Variants in KCNH5 observed in about 807,000 individuals in gnomAD.
The protein encoded by KCNH5 is voltage-gated delayed rectifier potassium channel KCNH5.
A neutral mutation model predicts 96.1 loss-of-function variants in KCNH5; 46 were observed. That is an observed-to-expected ratio of 0.48 (90% CI 0.38 to 0.61). KCNH5 has a LOEUF of 0.61. Ranked by LOEUF, KCNH5 falls within the 20% of genes least tolerant of loss-of-function variation. The pLI is 0.00. For synonymous variants in KCNH5, 439 were observed against 449.8 expected (o/e 0.98, Z 0.30); for missense variants, 907 against 1,225.8 (o/e 0.74, Z 3.88).
chr14:63,045,072 C>T lies in KCNH5; in HGVS notation c.73+42G>A, dbSNP rs192198708. 233 of 1,467,316 alleles carry T rather than the reference C, an allele frequency of 1.6e-4. 2 individuals carry two copies. In the East Asian group the frequency reaches 3.5e-3, roughly 22 times the overall value. 90.9% of individuals were successfully genotyped at this position (1,467,316 alleles called of 1,614,324 possible). ...GGGGAGGATGGGGGGCGCGTGTGGG[C>T]GGGATGGAGGTGGGGGTGTTCTGAA... On this transcript the variant is annotated intron_variant, in intron 1 of 10. Transcript: ENST00000322893.
chr14:62,910,941 A>ACACACCCCC (rs61033705), intron 7 of KCNH5, among the ~76,000 whole-genome samples: 2 of 140,784 alleles, frequency 1.4e-5, no homozygotes, highest in South Asian at 2.4e-4. Flanking sequence ...ACACACACAC[A>ACACACCCCC]CCCCTCTGTT....
At chr14:62,996,448 A>C (rs1361322221) in intron 4 of KCNH5, among the ~76,000 whole-genome samples, 1 of 152,180 alleles carries the variant, frequency 6.6e-6, no homozygotes, top group Non-Finnish European at 1.5e-5. Context: ...ATGGGGTCTG[A>C]TTTTCCCTAT....
intron 8 of KCNH5, among the ~76,000 whole-genome samples, chr14:62,819,246 C>T (rs1449396944): frequency 1.1e-4 from 17 of 152,088 alleles, no homozygotes; most frequent in Non-Finnish European, 8.8e-5. Flanking sequence ...GGATTACAGG[C>T]ATGAGCCACC....
At position 62,705,223 on chromosome 14, in the gene KCNH5, G is replaced by A. The variant is rs1884407985; in HGVS notation, c.*2285C>T. The A allele has an allele frequency of 6.6e-6, 1 of 151,954 alleles. No homozygotes were observed. The highest frequency in any genetic ancestry group is 2.4e-5 in the African/African-American group (1 of 41,420). The allele number at this position is 151,954 out of a possible 1,614,324, so 9.4% of individuals were successfully genotyped here. ...CACTAATATGCAAAGCCATGAATTAGAACTTCAAATCATCATGTTGTTCAC... is the reference window on the plus strand; with the variant it reads ...CACTAATATGCAAAGCCATGAATTAAAACTTCAAATCATCATGTTGTTCAC... On this transcript the variant is annotated 3_prime_UTR_variant, in exon 11 of 11. Transcript: ENST00000322893.
intron 9 of KCNH5, among the ~76,000 whole-genome samples, chr14:62,788,175 C>T (rs2061309255): frequency 6.6e-6 from 1 of 152,078 alleles, no homozygotes; most frequent in Admixed American, 6.6e-5. Context: ...GTGAGAAAGC[C>T]AAAATATTAC....
chr14:62,919,217 A>G (rs1328578131), intron 7 of KCNH5, among the ~76,000 whole-genome samples: 1 of 152,132 alleles, frequency 6.6e-6, no homozygotes, highest in African/African-American at 2.4e-5. Context: ...GCTTCCAATT[A>G]TTCTGATTTC....
At chr14:62,865,328 C>T (rs1888112745) in intron 7 of KCNH5, among the ~76,000 whole-genome samples, 1 of 104,802 alleles carries the variant, frequency 9.5e-6, no homozygotes. Context: ...GGGTAAAATG[C>T]TATTTAAAAA....
intron 5 of KCNH5, among the ~76,000 whole-genome samples, chr14:62,984,396 G>A (rs944643265): frequency 6.6e-6 from 1 of 152,202 alleles, no homozygotes; most frequent in East Asian, 1.9e-4. Context: ...TTGAAACTGG[G>A]GATCAGCTCC....
At chr14:62,760,501 A>G (rs758402217) in intron 10 of KCNH5, among the ~76,000 whole-genome samples, 1 of 152,192 alleles carries the variant, frequency 6.6e-6, no homozygotes, top group Non-Finnish European at 1.5e-5. Context: ...CTTCCGTTCC[A>G]GATTGCGAGT....
At chr14:62,941,720 C>T (rs1336676694) in intron 7 of KCNH5, among the ~76,000 whole-genome samples, 1 of 152,092 alleles carries the variant, frequency 6.6e-6, no homozygotes, top group Non-Finnish European at 1.5e-5. Flanking sequence ...AATAACAAGG[C>T]CAAGACAAAT....
intron 7 of KCNH5, among the ~76,000 whole-genome samples, chr14:62,852,273 G>T (rs1887821887): frequency 6.6e-6 from 1 of 152,002 alleles, no homozygotes; most frequent in Admixed American, 6.6e-5. Flanking sequence ...ACTGAACCTG[G>T]ATCTTACTTG....
intron 6 of KCNH5, among the ~76,000 whole-genome samples, chr14:62,969,939 G>A (rs966572083): frequency 2.7e-5 from 4 of 146,444 alleles, no homozygotes; most frequent in African/African-American, 1.0e-4. Context: ...GCATGCGCCT[G>A]TAGCATGAGA....
chr14:62,834,893 G>A (rs1887434181), intron 8 of KCNH5, among the ~76,000 whole-genome samples: 1 of 151,900 alleles, frequency 6.6e-6, no homozygotes, highest in South Asian at 2.1e-4. Flanking sequence ...GCAAAGTTGA[G>A]TAGTGGAGGC....
intron 4 of KCNH5, among the ~76,000 whole-genome samples, chr14:62,992,305 T>C (rs1227768614): frequency 2.0e-5 from 3 of 152,110 alleles, no homozygotes; most frequent in African/African-American, 4.8e-5. Context: ...CAGGTATCTT[T>C]TTTGTGTAAA....
intron 2 of KCNH5, among the ~76,000 whole-genome samples, chr14:63,008,126 A>T (rs28490569): frequency 0.3 from 45,245 of 152,028 alleles, 8,185 homozygotes; most frequent in East Asian, 0.58. Context: ...AAAGATCAAA[A>T]GTCTGTCTTT....
chr14:62,735,035 C>A lies in KCNH5; in HGVS notation c.2020-26580G>T, dbSNP rs573304331. ...AGTGCAGACAAGTCCTTGGAGCAGG[C>A]AAGCCTAGATATATATGCCTTAAAA... On this transcript the variant is annotated intron_variant, in intron 10 of 10. Transcript: ENST00000322893. Among the ~76,000 whole-genome samples the A allele has an allele frequency of 1.7e-3, 261 of 152,206 alleles. 2 individuals carry two copies. The highest frequency in any genetic ancestry group is 6.2e-3 in the African/African-American group (256 of 41,530).
intron 7 of KCNH5, among the ~76,000 whole-genome samples, chr14:62,949,369 T>C (rs1889956082): frequency 6.6e-6 from 1 of 152,206 alleles, no homozygotes; most frequent in African/African-American, 2.4e-5. Flanking sequence ...GGATAAGTCA[T>C]CTAAGTCAAC....
intron 10 of KCNH5, among the ~76,000 whole-genome samples, chr14:62,727,322 G>A (rs893287319): frequency 5.3e-5 from 8 of 151,910 alleles, no homozygotes; most frequent in African/African-American, 1.7e-4. Context: ...CCGAGATCAC[G>A]CCACTGCACT....
intron 2 of KCNH5, among the ~76,000 whole-genome samples, chr14:63,013,352 C>G (rs987726241): frequency 1.3e-5 from 2 of 152,038 alleles, no homozygotes; most frequent in African/African-American, 4.8e-5. Context: ...TATATAGTGT[C>G]AAAGCTTGTA....
Sources: gnomAD v4.1 joint callset for allele counts (sites outside exome capture counted in the v4.1 genomes callset) on GRCh38, gnomAD v4.1.1 for gene constraint, MANE v1.5 for transcripts, NCBI Gene and HGNC (gene_info 2026-07-23, HGNC 2026-07-21) for gene names.